MN1: variants seen among roughly 807,000 people sequenced by gnomAD.
The protein encoded by MN1 is MN1 proto-oncogene, transcriptional regulator.
MN1 carries 19 observed loss-of-function variants against 86.9 expected under a neutral mutation model. The observed-to-expected ratio is 0.22, with a 90% confidence interval of 0.15 to 0.32. MN1 has a LOEUF of 0.32. Ranked by LOEUF, MN1 falls within the 10% of genes least tolerant of loss-of-function variation. The probability of loss-of-function intolerance (pLI) is 1.00; values close to 1 mark genes in which losing one functional copy is unlikely to be tolerated. For missense variants in MN1, 1,841 were observed against 1,862.0 expected (o/e 0.99, Z 0.21); for synonymous variants, 928 against 849.6 (o/e 1.09, Z -1.60).
chr22:27,780,042 G>A (rs1309622526), intron 1 of MN1, among the ~76,000 whole-genome samples: 1 of 152,160 alleles, frequency 6.6e-6, no homozygotes, highest in Non-Finnish European at 1.5e-5. Context: ...ATGGCCCAGG[G>A]GCTCCAAACC....
chr22:27,776,079 A>T (rs1352308113), intron 1 of MN1, among the ~76,000 whole-genome samples: 2 of 152,228 alleles, frequency 1.3e-5, no homozygotes, highest in Non-Finnish European at 2.9e-5. Context: ...TTTAAGACCT[A>T]GAAGGGAGGC....
At chr22:27,795,722 T>TACACACAC (rs138609901) in intron 1 of MN1, among the ~76,000 whole-genome samples, 1 of 150,512 alleles carries the variant, frequency 6.6e-6, no homozygotes, top group African/African-American at 2.4e-5. Flanking sequence ...CCTATATATA[T>TACACACAC]ACACACACAC....
At chr22:27,764,516 T>C (rs1476301458) in intron 1 of MN1, among the ~76,000 whole-genome samples, 1 of 152,192 alleles carries the variant, frequency 6.6e-6, no homozygotes, top group Non-Finnish European at 1.5e-5. Flanking sequence ...ACAATGGATG[T>C]GATCATCATG....
At chr22:27,789,799 C>T (rs1015237722) in intron 1 of MN1, among the ~76,000 whole-genome samples, 27 of 152,312 alleles carry the variant, frequency 1.8e-4, no homozygotes, top group African/African-American at 3.8e-4. Flanking sequence ...TGAAAAGATA[C>T]GCATGCAATC....
chr22:27,755,094 C>A (rs185269461), intron 1 of MN1, among the ~76,000 whole-genome samples: 1 of 152,206 alleles, frequency 6.6e-6, no homozygotes, highest in African/African-American at 2.4e-5. Flanking sequence ...GGGTCACCCA[C>A]GGCCATGTCA....
chr22:27,756,197 G>T (rs563866503), intron 1 of MN1, among the ~76,000 whole-genome samples: 2 of 152,188 alleles, frequency 1.3e-5, no homozygotes, highest in African/African-American at 2.4e-5. Context: ...AAGAGGGGAC[G>T]TTTACCTGGG....
chr22:27,760,518 T>A (rs377744818), intron 1 of MN1, among the ~76,000 whole-genome samples: 1 of 147,142 alleles, frequency 6.8e-6, no homozygotes, highest in Admixed American at 6.8e-5. Flanking sequence ...CTAAAAAAAA[T>A]AAAGAAAGAA....
rs532206175 is a variant in MN1, at chr22:27,749,034, C to T, written c.*1881G>A. 40 of 231,698 alleles carry T rather than the reference C, an allele frequency of 1.7e-4. No homozygotes were observed. Among genetic ancestry groups the T allele is most frequent in the African/African-American group, 6.8e-4 (31 of 45,364 alleles). The allele number at this position is 231,698 out of a possible 1,614,324, so 14.4% of individuals were successfully genotyped here. ...TTGTAGCAGAACGCAGGAACTGCCT[C>T]GGCTCACACCTTTCTCGCTGATCAA... is the stretch of plus-strand genomic sequence containing the variant. On this transcript the variant is annotated 3_prime_UTR_variant, in exon 2 of 2. Transcript: ENST00000302326.
chr22:27,771,472 C>T (rs1005466865), intron 1 of MN1, among the ~76,000 whole-genome samples: 3 of 152,020 alleles, frequency 2.0e-5, no homozygotes, highest in African/African-American at 4.8e-5. Context: ...GGCAATCCTC[C>T]TACCTCAGCC....
At position 27,800,553 on chromosome 22, in the gene MN1, G is replaced by C. The variant is rs757783155; in HGVS notation, c.-10C>G. Reference sequence around the variant, plus strand: ...GGTCCAGCCCAAACATACTTGGCGGGGGGCAGAGGGGGATCAATAGGGCAT... The same window carrying C: ...GGTCCAGCCCAAACATACTTGGCGGCGGGCAGAGGGGGATCAATAGGGCAT... On this transcript the variant is annotated 5_prime_UTR_variant, in exon 1 of 2. Coordinates refer to ENST00000302326, the MANE Select transcript of MN1 (RefSeq NM_002430.3). 7 of 1,613,714 alleles carry C rather than the reference G, an allele frequency of 4.3e-6. No individual in the cohort carries two copies. In the African/African-American group the frequency reaches 6.7e-5, roughly 15 times the overall value.
chr22:27,769,584 G>T (rs1216089983), intron 1 of MN1, among the ~76,000 whole-genome samples: 1 of 35,792 alleles, frequency 2.8e-5, no homozygotes, highest in African/African-American at 1.4e-4. Context: ...ACAGAGTCTC[G>T]CTCTGTCACC....
intron 1 of MN1, among the ~76,000 whole-genome samples, chr22:27,758,919 A>G (rs1181950740): frequency 6.6e-6 from 1 of 152,144 alleles, no homozygotes; most frequent in African/African-American, 2.4e-5. Context: ...TCTGCCTCCC[A>G]GGCTCAAGCA....
rs373274863 is a variant in MN1 at position 27,797,430 on chromosome 22, C to T, written c.3114G>A (p.Ser1038=). 4.7e-5 allele frequency: 76 copies of T among 1,609,268 alleles called. No individual in the cohort carries two copies. In the Admixed American group the frequency reaches 5.4e-4, roughly 11 times the overall value. The change falls in exon 1 of 2, where the codon TCG becomes TCA. Residue 1038 remains serine, a synonymous_variant. Coordinates refer to ENST00000302326, the MANE Select transcript of MN1 (RefSeq NM_002430.3). The part of the protein sequence containing the change: ...LDGGAKSDSS[S]PNVGEFASDE... ...CCGAGGCGAACTCACCCACGTTTGG[C>T]GAACTACTGTCCGACTTGGCCCCGC...
chr22:27,752,558 C>A (rs1225521995), intron 1 of MN1, among the ~76,000 whole-genome samples: 2 of 152,194 alleles, frequency 1.3e-5, no homozygotes, highest in African/African-American at 2.4e-5. Flanking sequence ...GCCTGACAAC[C>A]ATTCACATCT....
chr22:27,772,065 A>C (rs1453199227), intron 1 of MN1, among the ~76,000 whole-genome samples: 1 of 152,200 alleles, frequency 6.6e-6, no homozygotes, highest in Non-Finnish European at 1.5e-5. Context: ...TAAAATAAGG[A>C]GGGACGAAAG....
At chr22:27,787,256 T>C (rs1933146718) in intron 1 of MN1, among the ~76,000 whole-genome samples, 1 of 152,258 alleles carries the variant, frequency 6.6e-6, no homozygotes, top group African/African-American at 2.4e-5. Context: ...GCTCCTGTTC[T>C]AAAAAGCCAA....
At chr22:27,778,792 C>T (rs1352336656) in intron 1 of MN1, among the ~76,000 whole-genome samples, 1 of 152,192 alleles carries the variant, frequency 6.6e-6, no homozygotes, top group African/African-American at 2.4e-5. Context: ...TCGTGTAGCC[C>T]ACCACAGTCA....
chr22:27,768,059 CT>C (rs1932883900), intron 1 of MN1, among the ~76,000 whole-genome samples: 1 of 152,014 alleles, frequency 6.6e-6, no homozygotes, highest in Non-Finnish European at 1.5e-5. Context: ...GCATCTTCTA[CT>C]TTTTCCCCAC....
chr22:27,774,505 T>C lies in MN1; in HGVS notation c.3781+22258A>G, dbSNP rs45468204. ...AGGGCCTCCTGCTTTCAGCTCCCACTGGGAACCCCCACCCTCCTGGCTATC... is the reference window on the plus strand; with the variant it reads ...AGGGCCTCCTGCTTTCAGCTCCCACCGGGAACCCCCACCCTCCTGGCTATC... On this transcript the variant is annotated intron_variant, in intron 1 of 1. Transcript: ENST00000302326. 7.8e-3 allele frequency among the ~76,000 whole-genome samples: 1,191 copies of C among 152,318 alleles called. 12 individuals are homozygous for C. The highest frequency in any genetic ancestry group is 0.028 in the African/African-American group (1,162 of 41,568).
Sources: allele counts gnomAD v4.1 joint callset (sites outside exome capture counted in the v4.1 genomes callset), GRCh38; gene constraint gnomAD v4.1.1; transcripts MANE v1.5; gene names NCBI Gene and HGNC (gene_info 2026-07-23, HGNC 2026-07-21).